The following EPB41L4A variants were observed in gnomAD, a reference collection of about 807,000 sequenced individuals.
EPB41L4A encodes the protein band 4.1-like protein 4A.
Under a neutral mutation model 108.6 loss-of-function variants are expected in EPB41L4A, and 100 were observed. That is an observed-to-expected ratio of 0.92 (90% CI 0.78 to 1.09). The LOEUF is 1.09. EPB41L4A is among the 50% of genes least tolerant of loss of function. EPB41L4A has a pLI of 0.00. For missense variants in EPB41L4A, 1,030 were observed against 842.7 expected, an observed-to-expected ratio of 1.22 and a Z score of -2.75; for synonymous variants, 319 against 289.0, an observed-to-expected ratio of 1.10 and a Z score of -1.05.
intron 1 of EPB41L4A, among the ~76,000 whole-genome samples, chr5:112,375,230 C>G (rs948381070): frequency 6.6e-6 from 1 of 151,942 alleles, no homozygotes; most frequent in African/African-American, 2.4e-5. Context: ...CCAGAGTCAA[C>G]CCCTGGGGAT....
At chr5:112,308,902 G>A (rs1192482968) in intron 1 of EPB41L4A, among the ~76,000 whole-genome samples, 1 of 152,074 alleles carries the variant, frequency 6.6e-6, no homozygotes, top group Non-Finnish European at 1.5e-5. Flanking sequence ...AAAAAAAGAG[G>A]GGAATAAAGG....
intron 1 of EPB41L4A, among the ~76,000 whole-genome samples, chr5:112,390,304 G>T (rs372182631): frequency 6.6e-6 from 1 of 152,326 alleles, no homozygotes; most frequent in East Asian, 1.9e-4. Context: ...AAGGGAAGCC[G>T]TGACAGACTG....
intron 1 of EPB41L4A, among the ~76,000 whole-genome samples, chr5:112,396,882 T>A (rs894392519): frequency 6.6e-6 from 1 of 152,370 alleles, no homozygotes; most frequent in South Asian, 2.1e-4. Flanking sequence ...GGTATACTTT[T>A]AAGCTGCAAT....
chr5:112,352,940 T>G (rs1040305251), intron 1 of EPB41L4A, among the ~76,000 whole-genome samples: 5 of 152,344 alleles, frequency 3.3e-5, no homozygotes, highest in Admixed American at 3.3e-4. Context: ...AGTAACAGCT[T>G]CTTCTTCCAA....
At chr5:112,297,432 T>C (rs978166302) in intron 2 of EPB41L4A, among the ~76,000 whole-genome samples, 1 of 152,202 alleles carries the variant, frequency 6.6e-6, no homozygotes, top group Non-Finnish European at 1.5e-5. Context: ...ACCATTTGTA[T>C]ATCTTCTTTC....
chr5:112,369,945 T>A (rs1759380058), intron 1 of EPB41L4A, among the ~76,000 whole-genome samples: 1 of 151,790 alleles, frequency 6.6e-6, no homozygotes. Flanking sequence ...TGTTTCCACC[T>A]TTATGGAAAT....
intron 1 of EPB41L4A, among the ~76,000 whole-genome samples, chr5:112,354,109 A>C (rs997064453): frequency 2.6e-5 from 4 of 152,220 alleles, no homozygotes; most frequent in Non-Finnish European, 5.9e-5. Context: ...CTCATCTGCA[A>C]AACAAAGATA....
intron 1 of EPB41L4A, among the ~76,000 whole-genome samples, chr5:112,388,357 G>A: frequency 6.6e-6 from 1 of 152,170 alleles, no homozygotes; most frequent in East Asian, 1.9e-4. Context: ...CAGATCGGCA[G>A]ACCTACCCAC....
intron 18 of EPB41L4A, among the ~76,000 whole-genome samples, chr5:112,182,210 A>AT (rs1361942634): frequency 1.3e-5 from 2 of 152,196 alleles, no homozygotes; most frequent in African/African-American, 4.8e-5. Context: ...GTCAAAATTC[A>AT]TTAAACTGTA....
At chr5:112,198,280 A>T (rs1413188396) in intron 15 of EPB41L4A, among the ~76,000 whole-genome samples, 1 of 151,928 alleles carries the variant, frequency 6.6e-6, no homozygotes, top group Non-Finnish European at 1.5e-5. Context: ...TGATCGGCCC[A>T]CCTCGGCCTC....
Position 112,279,209 on chromosome 5 carries a change from A to G in EPB41L4A, c.256+1063T>C, listed in dbSNP as rs535665182. On this transcript the variant is annotated intron_variant, in intron 3 of 22. Coordinates refer to ENST00000261486, the MANE Select transcript of EPB41L4A (RefSeq NM_022140.5). Reference sequence around the variant, plus strand: ...AGAGGTGGAAAGGCGATGAGAAACAACAATGATGCTGACATTCATAGAAAC... The same window carrying G: ...AGAGGTGGAAAGGCGATGAGAAACAGCAATGATGCTGACATTCATAGAAAC... Among the ~76,000 whole-genome samples, 11 of 152,282 alleles carry G rather than the reference A, an allele frequency of 7.2e-5. 1 individual carries two copies. In the South Asian group the frequency reaches 2.1e-3, roughly 29 times the overall value.
chr5:112,324,609 G>A (rs1368546385), intron 1 of EPB41L4A, among the ~76,000 whole-genome samples: 2 of 151,784 alleles, frequency 1.3e-5, no homozygotes, highest in African/African-American at 4.8e-5. Context: ...TGTAGTCCCA[G>A]TGACTCGGGA....
At chr5:112,380,402 C>T (rs1485806080) in intron 1 of EPB41L4A, among the ~76,000 whole-genome samples, 1 of 152,068 alleles carries the variant, frequency 6.6e-6, no homozygotes, top group Non-Finnish European at 1.5e-5. Flanking sequence ...AAATATTCTA[C>T]AGAATTAACA....
intron 1 of EPB41L4A, among the ~76,000 whole-genome samples, chr5:112,372,011 A>G (rs975053616): frequency 6.6e-6 from 1 of 152,170 alleles, no homozygotes; most frequent in African/African-American, 2.4e-5. Flanking sequence ...GCAACAAAGC[A>G]AGACCCTACT....
At chr5:112,226,083 G>T (rs1207580131) in intron 12 of EPB41L4A, among the ~76,000 whole-genome samples, 1 of 152,160 alleles carries the variant, frequency 6.6e-6, no homozygotes, top group Admixed American at 6.5e-5. Flanking sequence ...TGGGACTATG[G>T]AATCAGATTG....
At chr5:112,259,844 T>G (rs1432571412) in intron 8 of EPB41L4A, 47 bp downstream of exon 8, 9 of 1,436,538 alleles carry the variant, frequency 6.3e-6, no homozygotes, top group Non-Finnish European at 8.8e-6. Context: ...AGGAGTCCCA[T>G]AAGCCCAAAA....
chr5:112,291,104 C>T (rs1435837198), intron 2 of EPB41L4A, among the ~76,000 whole-genome samples: 1 of 152,140 alleles, frequency 6.6e-6, no homozygotes, highest in Non-Finnish European at 1.5e-5. Flanking sequence ...ATATGCAAAT[C>T]AGAACTGACT....
downstream of EPB41L4A, chr5:112,158,357 A>G (rs1759721667): frequency 1.3e-5 from 4 of 312,614 alleles, no homozygotes; most frequent in Admixed American, 8.0e-5. Flanking sequence ...AACCTTTCAT[A>G]ATTCTTTAAA....
intron 2 of EPB41L4A, among the ~76,000 whole-genome samples, chr5:112,290,774 A>T (rs1408302189): frequency 1.3e-5 from 2 of 152,190 alleles, no homozygotes; most frequent in African/African-American, 4.8e-5. Flanking sequence ...GCTGAACATA[A>T]ATGTAGTTTT....
Sources: gnomAD v4.1 joint callset for allele counts (sites outside exome capture counted in the v4.1 genomes callset) on GRCh38, gnomAD v4.1.1 for gene constraint, MANE v1.5 for transcripts, NCBI Gene and HGNC (gene_info 2026-07-23, HGNC 2026-07-21) for gene names.